The following SPG11 variants were observed in gnomAD, a reference collection of about 807,000 sequenced individuals.
SPG11 encodes SPG11 vesicle trafficking associated, spatacsin.
Under a neutral mutation model 274.0 loss-of-function variants are expected in SPG11, and 222 were observed. That is an observed-to-expected ratio of 0.81 (90% confidence interval 0.73 to 0.91). SPG11 has a LOEUF of 0.91. SPG11 is among the 40% of genes least tolerant of loss of function. The pLI, the probability that SPG11 is intolerant of heterozygous loss-of-function variation, is 0.00. For missense variants in SPG11, 3,114 were observed against 2,872.7 expected, an observed-to-expected ratio of 1.08 and a Z score of -1.92; for synonymous variants, 1,144 against 1,039.7, an observed-to-expected ratio of 1.10 and a Z score of -1.93.
At chr15:44,587,882 A>G (rs2082808509) in intron 28 of SPG11, among the ~76,000 whole-genome samples, 1 of 152,158 alleles carries the variant, frequency 6.6e-6, no homozygotes, top group Admixed American at 6.5e-5. Context: ...ACAACAGGAA[A>G]TTCATTTTTG....
chr15:44,577,043 G>A (rs2082554149), intron 30 of SPG11, among the ~76,000 whole-genome samples: 1 of 152,066 alleles, frequency 6.6e-6, no homozygotes, highest in Non-Finnish European at 1.5e-5. Flanking sequence ...GGCCAGGCTG[G>A]TCTTGAACTC....
Position 44,648,876 on chromosome 15 carries a change from T to C in SPG11, c.1592A>G (p.His531Arg), listed in dbSNP as rs757589840. 2 of 1,614,112 alleles carry C rather than the reference T, an allele frequency of 1.2e-6. No individual in the cohort carries two copies. Among genetic ancestry groups the C allele is most frequent in the Non-Finnish European group, 1.7e-6 (2 of 1,179,994 alleles). Reference sequence around the variant, plus strand: ...ATTTAATTCTGTTACCTCTAGTGCATGTATGGGAATTGAGCACCTTCCCCA... The same window carrying C: ...ATTTAATTCTGTTACCTCTAGTGCACGTATGGGAATTGAGCACCTTCCCCA... ...NGWGRCSIPI[H>R]ALEAGIENRQ... Residue 531 changes from histidine to arginine, a missense_variant, in exon 7 of 40, where the codon CAT becomes CGT. Physicochemically the swap from His to Arg is conservative, Grantham distance 29. Transcript: ENST00000261866.
At chr15:44,606,249 A>C (rs2083315622) in intron 19 of SPG11, 158 bp from the exon 20 acceptor site, 2 of 618,884 alleles carry the variant, frequency 3.2e-6, no homozygotes, top group Non-Finnish European at 5.8e-6. Context: ...AGCTAAAAAT[A>C]AAATAGAATT....
At chr15:44,605,321 T>A (rs1040838248) in intron 20 of SPG11, among the ~76,000 whole-genome samples, 1 of 152,176 alleles carries the variant, frequency 6.6e-6, no homozygotes, top group East Asian at 1.9e-4. Context: ...ATTCTATATA[T>A]CAAAATTCGA....
intron 27 of SPG11, among the ~76,000 whole-genome samples, chr15:44,590,099 GC>G (rs2082868108): frequency 2.0e-5 from 3 of 152,126 alleles, no homozygotes; most frequent in Non-Finnish European, 4.4e-5. Context: ...AAGCCACCGT[GC>G]CTGGCCTAGC....
At chr15:44,583,450 C>T (rs2082694399) in intron 30 of SPG11, among the ~76,000 whole-genome samples, 1 of 152,036 alleles carries the variant, frequency 6.6e-6, no homozygotes, top group South Asian at 2.1e-4. Context: ...AAGAATGAAA[C>T]ACCATCTCAA....
intron 30 of SPG11, among the ~76,000 whole-genome samples, chr15:44,580,886 A>G (rs2082646308): frequency 6.6e-6 from 1 of 152,232 alleles, no homozygotes; most frequent in African/African-American, 2.4e-5. Context: ...GAAAGAGAGG[A>G]GGTAGGGTAT....
In SPG11 at chr15:44,570,305, G is replaced by A. The variant is rs546264466; in HGVS notation, c.6477+220C>T. On this transcript the variant is annotated intron_variant, in intron 34 of 39. Transcript: ENST00000261866. ...GTGGGATGGCCCTGGAACCTGGGAGGGATCTTCTCCCTTTCGCTCCTTTGG... is the reference window on the plus strand; with the variant it reads ...GTGGGATGGCCCTGGAACCTGGGAGAGATCTTCTCCCTTTCGCTCCTTTGG... 2.6e-5 allele frequency among the ~76,000 whole-genome samples: 4 copies of A among 152,324 alleles called. No homozygotes were observed. In the South Asian group the frequency reaches 8.3e-4, roughly 32 times the overall value.
chr15:44,644,900 A>T (rs2084561852), intron 7 of SPG11, among the ~76,000 whole-genome samples: 1 of 152,232 alleles, frequency 6.6e-6, no homozygotes, highest in South Asian at 2.1e-4. Flanking sequence ...AGAATTACAG[A>T]ACAATGCTGA....
chr15:44,606,173 G>C (rs2083313930), intron 19 of SPG11, 82 bp from the exon 20 acceptor site: 2 of 1,220,702 alleles, frequency 1.6e-6, no homozygotes, highest in Admixed American at 1.9e-5. Context: ...AAGGACTTCA[G>C]AGGTAGTCTG....
At chr15:44,643,482 A>T (rs553179182) in intron 7 of SPG11, among the ~76,000 whole-genome samples, 1 of 152,302 alleles carries the variant, frequency 6.6e-6, no homozygotes, top group South Asian at 2.1e-4. Flanking sequence ...ATCCACAAAG[A>T]ATGCAAAAGA....
chr15:44,625,049 C>T (rs902690274), intron 11 of SPG11, among the ~76,000 whole-genome samples: 2 of 150,370 alleles, frequency 1.3e-5, no homozygotes, highest in African/African-American at 4.9e-5. Context: ...GTAGGAGAAT[C>T]GTTTGAACCT....
intron 16 of SPG11, 148 bp downstream of exon 16, chr15:44,615,215 C>T (rs1205697595): frequency 1.3e-6 from 1 of 787,140 alleles, no homozygotes. Flanking sequence ...AAAGATGTAC[C>T]AACTGTTGAG....
In SPG11 at chr15:44,610,868, G is replaced by T; in HGVS notation, c.3263C>A (p.Thr1088Lys). The T allele has an allele frequency of 1.2e-6, 2 of 1,613,966 alleles. No homozygotes were observed. Among genetic ancestry groups the T allele is most frequent in the Non-Finnish European group, 1.7e-6 (2 of 1,179,950 alleles). The change falls in exon 18 of 40, where the codon ACA becomes AAA. Residue 1088 changes from threonine to lysine, a missense_variant. By Grantham distance (78) the Thr-to-Lys change is moderately conservative. Transcript: ENST00000261866. ...EGHTLLALAT[T>K]MYSPGGVSQV... The stretch of plus-strand genomic sequence containing the variant: ...ACTGACACCCCCAGGAGAATACATT[G>T]TAGTAGCAAGGGCCAGGAGGGTATG...
At chr15:44,640,252 C>T (rs893587992) in intron 7 of SPG11, among the ~76,000 whole-genome samples, 3 of 151,972 alleles carry the variant, frequency 2.0e-5, no homozygotes, top group African/African-American at 7.2e-5. Flanking sequence ...ACAATAAATA[C>T]AGTATTTAAA....
intron 4 of SPG11, among the ~76,000 whole-genome samples, chr15:44,654,809 C>T (rs983081091): frequency 2.6e-5 from 4 of 151,844 alleles, no homozygotes; most frequent in African/African-American, 9.7e-5. Context: ...GCGCTCCATC[C>T]CGGACAACAA....
chr15:44,581,311 A>G (rs2082654531), intron 30 of SPG11, among the ~76,000 whole-genome samples: 1 of 152,118 alleles, frequency 6.6e-6, no homozygotes, highest in Non-Finnish European at 1.5e-5. Flanking sequence ...GGCTCAAGCG[A>G]TCCTCGTGCC....
At position 44,663,408 on chromosome 15, in the gene SPG11, C is replaced by T. The variant is rs758918688; in HGVS notation, c.240G>A (p.Leu80=). Residue 80 remains leucine, a synonymous_variant, in exon 1 of 40, where the codon CTG becomes CTA. Transcript: ENST00000261866. Reference sequence around the variant, plus strand: ...GCACTTACTGCCAGAAGGGGCCCTCCAGGCAGCAGCGACCCCCGCCCCGGC... The same window carrying T: ...GCACTTACTGCCAGAAGGGGCCCTCTAGGCAGCAGCGACCCCCGCCCCGGC... ...PGSRGGGRCC[L]EGPFWHFLWE... The T allele has an allele frequency of 3.1e-6, 5 of 1,607,542 alleles. No homozygotes were observed. In the East Asian group the frequency reaches 1.1e-4, roughly 36 times the overall value.
chr15:44,608,485 T>C lies in SPG11; in HGVS notation c.3412A>G (p.Ser1138Gly), dbSNP rs377351819. 2.5e-6 allele frequency: 4 copies of C among 1,613,946 alleles called. No individual in the cohort carries two copies. The highest frequency in any genetic ancestry group is 3.4e-6 in the Non-Finnish European group (4 of 1,180,010). Reference sequence around the variant, plus strand: ...ATTGTAATATCAGATGGCAGGACACTAGGAGGAGTGCACTGTGGGAAGAGA... The same window carrying C: ...ATTGTAATATCAGATGGCAGGACACCAGGAGGAGTGCACTGTGGGAAGAGA... ...TALFPQCTPP[S>G]VLPSDITIYH... Residue 1138 changes from serine to glycine, a missense_variant, in exon 19 of 40, where the codon AGT (serine) becomes GGT (glycine). By Grantham distance (56) the Ser-to-Gly change is moderately conservative. Transcript: ENST00000261866.
Sources: allele counts gnomAD v4.1 joint callset (sites outside exome capture counted in the v4.1 genomes callset), GRCh38; gene constraint gnomAD v4.1.1; transcripts MANE v1.5; gene names NCBI Gene and HGNC (gene_info 2026-07-23, HGNC 2026-07-21).